ANKHD1: variants seen among roughly 807,000 people sequenced by gnomAD.
ANKHD1 encodes ankyrin repeat and KH domain containing 1.
A neutral mutation model predicts 230.5 loss-of-function variants in ANKHD1; 31 were observed. The observed-to-expected ratio is 0.13, with a 90% CI of 0.10 to 0.18. The LOEUF (loss-of-function observed/expected upper bound fraction) is 0.18, where lower values mean the gene tolerates loss of function less well. Ranked by LOEUF, ANKHD1 falls within the 10% of genes least tolerant of loss-of-function variation. The pLI is 1.00. For synonymous variants in ANKHD1, 1,074 were observed against 1,117.6 expected (o/e 0.96, Z 0.78); for missense variants, 2,256 against 3,071.3 (o/e 0.73, Z 6.27).
Position 140,504,872 on chromosome 5 carries a change from A to G in ANKHD1, c.3056A>G (p.Glu1019Gly). The change falls in exon 16 of 34, where the codon GAG (glutamate) becomes GGG (glycine). Residue 1019 changes from glutamate (E) to glycine (G), a missense_variant. By Grantham distance (98) the Glu-to-Gly change is moderately conservative (BLOSUM62 -2). Coordinates refer to ENST00000360839, the MANE Select transcript of ANKHD1 (RefSeq NM_017747.3). ...TGSNSSSQTT[E>G]CLTPESCSQT... is the part of the protein sequence containing the mutation. ...TCCAACAGTTCTTCTCAGACCACAG[A>G]GTGTCTTACACCTGAATCCTGTTCG... 1 of 1,614,202 alleles carries G rather than the reference A, an allele frequency of 6.2e-7. No individual in the cohort carries two copies. Among genetic ancestry groups the G allele is most frequent in the Non-Finnish European group, 8.5e-7 (1 of 1,180,030 alleles).
chr5:140,529,860 G>T, intron 29 of ANKHD1, 64 bp downstream of exon 29: 1 of 1,550,860 alleles, frequency 6.4e-7, no homozygotes, highest in Non-Finnish European at 8.7e-7. Flanking sequence ...CACCTTAAGT[G>T]GACAAAAAAA....
At position 140,507,127 on chromosome 5, in the gene ANKHD1, T is replaced by C; in HGVS notation, c.3551+150T>C. On this transcript the variant is annotated intron_variant, in intron 19 of 33. Coordinates refer to ENST00000360839, the MANE Select transcript of ANKHD1 (RefSeq NM_017747.3). The surrounding 1 kb of genome is among the most constrained non-coding windows in gnomAD (Gnocchi z 4.1). ...ATTATACCTATAATGTGTTTGTTTA[T>C]AAGTAATCTCAGCTTATTTCAGTAA... 2.4e-6 allele frequency: 3 copies of C among 1,226,920 alleles called. No homozygotes were observed. The allele number at this position is 1,226,920 out of a possible 1,614,324, so 76.0% of individuals were successfully genotyped here.
chr5:140,457,534 A>T (rs1215069480), intron 7 of ANKHD1, among the ~76,000 whole-genome samples: 1 of 152,196 alleles, frequency 6.6e-6, no homozygotes, highest in Non-Finnish European at 1.5e-5. Flanking sequence ...ATAAAAAAGG[A>T]TGAGTTCATG....
At chr5:140,481,844 A>G (rs535613388) in intron 10 of ANKHD1, among the ~76,000 whole-genome samples, 2 of 152,202 alleles carry the variant, frequency 1.3e-5, no homozygotes, top group South Asian at 2.1e-4. Context: ...GAAGCAGTAT[A>G]TAAGCTACAT....
At chr5:140,470,611 C>CTTTTTTGTT (rs1776420414) in intron 10 of ANKHD1, among the ~76,000 whole-genome samples, 1 of 71,770 alleles carries the variant, frequency 1.4e-5, no homozygotes, top group Non-Finnish European at 2.6e-5. Flanking sequence ...CTTGTTTCTG[C>CTTTTTTGTT]TTTTTTTTTT....
chr5:140,485,134 C>T lies in ANKHD1; in HGVS notation c.1884C>T (p.Asn628=). Residue 628 remains asparagine (N), a synonymous_variant, in exon 12 of 34, where the codon AAC becomes AAT. Transcript: ENST00000360839. The surrounding 1 kb of genome is among the most constrained non-coding windows in gnomAD (Gnocchi z 4.8). The part of the protein sequence containing the change: ...QFLISKGANV[N]RATANNDHTV... ...TTTTCTTCAAAGGTGCCAATGTTAA[C>T]AGGGCTACAGCCAATAATGATCATA... is the stretch of plus-strand genomic sequence containing the variant. The T allele has an allele frequency of 6.2e-7, 1 of 1,606,260 alleles. No individual in the cohort carries two copies. Among genetic ancestry groups the T allele is most frequent in the Non-Finnish European group, 8.5e-7 (1 of 1,173,816 alleles).
Position 140,485,947 on chromosome 5 carries a change from C to A in ANKHD1, c.2142+215C>A. Reference sequence around the variant, plus strand: ...TATTGAGAATAGTGGTTTTTAAAAACCACTTAATATCAAATATAAACGTAA... The same window carrying A: ...TATTGAGAATAGTGGTTTTTAAAAAACACTTAATATCAAATATAAACGTAA... On this transcript the variant is annotated intron_variant, in intron 13 of 33. Transcript: ENST00000360839. This position sits in a 1 kb window ranked among gnomAD's most constrained non-coding sequence, Gnocchi z 4.8. 1 of 600,630 alleles carries A rather than the reference C, an allele frequency of 1.7e-6. No individual in the cohort carries two copies. Among genetic ancestry groups the A allele is most frequent in the Non-Finnish European group, 2.7e-6 (1 of 375,104 alleles). The allele number at this position is 600,630 out of a possible 1,614,324, so 37.2% of individuals were successfully genotyped here.
At chr5:140,438,347 C>G in intron 2 of ANKHD1, 114 bp from the exon 3 acceptor site, 1 of 1,398,122 alleles carries the variant, frequency 7.2e-7, no homozygotes, top group Non-Finnish European at 9.4e-7. Flanking sequence ...CCTATGGATT[C>G]TATACCATTT....
intron 24 of ANKHD1, among the ~76,000 whole-genome samples, chr5:140,515,997 T>G (rs979579925): frequency 2.0e-5 from 3 of 152,254 alleles, no homozygotes; most frequent in South Asian, 2.1e-4. Context: ...CAAATTACTC[T>G]GAGCTACGGG....
intron 10 of ANKHD1, among the ~76,000 whole-genome samples, chr5:140,466,327 G>C (rs1030108489): frequency 2.6e-5 from 4 of 151,794 alleles, no homozygotes; most frequent in African/African-American, 9.7e-5. Context: ...GGAGGTGGAG[G>C]TTGCAGTGAG....
chr5:140,450,041 G>T (rs1359707326), intron 7 of ANKHD1, among the ~76,000 whole-genome samples: 3 of 151,988 alleles, frequency 2.0e-5, no homozygotes, highest in Non-Finnish European at 4.4e-5. Context: ...TTCTACTTCT[G>T]TAAGCACATA....
chr5:140,456,400 C>A (rs1775195781), intron 7 of ANKHD1, among the ~76,000 whole-genome samples: 1 of 152,154 alleles, frequency 6.6e-6, no homozygotes, highest in Non-Finnish European at 1.5e-5. Flanking sequence ...CCCACATTGC[C>A]AAGACAATCC....
Position 140,509,638 on chromosome 5 carries a change from C to G in ANKHD1, c.3767C>G (p.Thr1256Arg). Residue 1256 changes from threonine (T) to arginine (R), a missense_variant and splice_region_variant, in exon 21 of 34, where the codon ACG becomes AGG. By Grantham distance (71) the Thr-to-Arg change is moderately conservative (BLOSUM62 -1). Transcript: ENST00000360839. ...RKANVEHRAK[T>R]GLTPLMEAAS... ...TGCATAATTTATTGGTTTAAACAGA[C>G]GGGTCTTACCCCCTTGATGGAAGCA... 1 of 1,544,408 alleles carries G rather than the reference C, an allele frequency of 6.5e-7. No individual in the cohort carries two copies. The highest frequency in any genetic ancestry group is 1.3e-5 in the South Asian group (1 of 79,268).
At chr5:140,456,811 T>A (rs1775231638) in intron 7 of ANKHD1, among the ~76,000 whole-genome samples, 1 of 152,120 alleles carries the variant, frequency 6.6e-6, no homozygotes, top group Non-Finnish European at 1.5e-5. Flanking sequence ...GGACTTCATG[T>A]CTAAAACACC....
chr5:140,539,760 T>G lies in ANKHD1; in HGVS notation c.*342T>G, dbSNP rs1754219532. The stretch of plus-strand genomic sequence containing the variant: ...ACATACTTAAAAGGAAAAAGTTGAG[T>G]AAATTTCTTGTCATATAGTGGCTCT... On this transcript the variant is annotated 3_prime_UTR_variant, in exon 34 of 34. Transcript: ENST00000360839. The G allele has an allele frequency of 5.4e-6, 1 of 184,598 alleles. No individual in the cohort carries two copies. The highest frequency in any genetic ancestry group is 1.1e-5 in the Non-Finnish European group (1 of 88,704). The allele number at this position is 184,598 out of a possible 1,614,324, so 11.4% of individuals were successfully genotyped here. A position where few individuals can be genotyped will look rare whatever the true frequency, so the allele number is the denominator to read the frequency against.
Position 140,528,507 on chromosome 5 carries a change from C to G in ANKHD1, c.5561C>G (p.Pro1854Arg). ...PVSLPLAYPH[P>R]HFALLAAQTM... ...TCTCTACCCTTAGCTTATCCTCACCCTCATTTTGCCCTGCTGGCTGCTCAA... is the reference window on the plus strand; with the variant it reads ...TCTCTACCCTTAGCTTATCCTCACCGTCATTTTGCCCTGCTGGCTGCTCAA... The change falls in exon 29 of 34, where the codon CCT becomes CGT. Residue 1854 changes from proline to arginine, a missense_variant. By Grantham distance (103) the Pro-to-Arg change is moderately radical (BLOSUM62 -2). Around this residue, in one of 13 missense-constraint regions of ANKHD1, gnomAD observed 778 missense variants for 966.5 expected, o/e 0.80. Coordinates refer to ENST00000360839, the MANE Select transcript of ANKHD1 (RefSeq NM_017747.3). The G allele has an allele frequency of 1.2e-6, 2 of 1,614,126 alleles. No individual in the cohort carries two copies. Among genetic ancestry groups the G allele is most frequent in the Non-Finnish European group, 1.7e-6 (2 of 1,180,038 alleles).
chr5:140,427,700 C>T (rs1772625339), intron 1 of ANKHD1, among the ~76,000 whole-genome samples: 2 of 148,394 alleles, frequency 1.3e-5, no homozygotes, highest in Non-Finnish European at 3.0e-5. Flanking sequence ...AGAGGGGCTC[C>T]TCACTTCCCA....
chr5:140,497,168 A>G lies in ANKHD1; in HGVS notation c.2894A>G (p.Gln965Arg). ...SGNQQIVGQP[Q>R]IAITGHDQGL... ...AATCAGCAGATTGTAGGACAGCCTC[A>G]GATTGCTATTACTGGACATGATCAG... The change falls in exon 15 of 34, where the codon CAG becomes CGG. Residue 965 changes from glutamine (Q) to arginine (R), a missense_variant. Physicochemically the swap from Gln to Arg is conservative, Grantham distance 43. This residue lies in a region of ANKHD1 where 358 missense variants were observed against 397.7 expected (regional missense o/e 0.90). Coordinates refer to ENST00000360839, the MANE Select transcript of ANKHD1 (RefSeq NM_017747.3). 6.2e-7 allele frequency: 1 copy of G among 1,614,040 alleles called. No individual in the cohort carries two copies. The highest frequency in any genetic ancestry group is 8.5e-7 in the Non-Finnish European group (1 of 1,180,022).
chr5:140,466,449 G>C (rs1352019357), intron 10 of ANKHD1, among the ~76,000 whole-genome samples: 1 of 151,396 alleles, frequency 6.6e-6, no homozygotes, highest in East Asian at 1.9e-4. Context: ...TCTGGTAAAT[G>C]TACTCTAATG....
Sources: gnomAD v4.1 joint callset for allele counts (sites outside exome capture counted in the v4.1 genomes callset) on GRCh38, gnomAD v4.1.1 for gene constraint, gnomAD v4.1.1 regional missense constraint, Gnocchi (gnomAD v3.1) non-coding constraint, MANE v1.5 for transcripts, NCBI Gene and HGNC (gene_info 2026-07-23, HGNC 2026-07-21) for gene names.